Variants in TNIK observed in about 807,000 individuals in gnomAD.
TNIK encodes TRAF2 and NCK-interacting protein kinase.
In TNIK, 49 loss-of-function variants were observed where a neutral mutation model predicts 191.3. The ratio of observed to expected loss-of-function variants is 0.26; its 90% CI spans 0.20 to 0.32. The LOEUF (loss-of-function observed/expected upper bound fraction) is 0.32. Ranked by LOEUF, TNIK falls within the 10% of genes least tolerant of loss-of-function variation. The pLI is 1.00. For synonymous variants in TNIK, 594 were observed against 600.9 expected (o/e 0.99, Z 0.17); for missense variants, 1,155 against 1,702.3 (o/e 0.68, Z 5.66).
intron 2 of TNIK, among the ~76,000 whole-genome samples, chr3:171,352,743 G>A (rs1713409169): frequency 6.6e-6 from 1 of 152,196 alleles, no homozygotes. Flanking sequence ...CTTAAGGACA[G>A]AAGCTTTCAA....
At position 171,316,888 on chromosome 3, in the gene TNIK, A is replaced by C. The variant is rs1754656917; in HGVS notation, c.123+52732T>G. Among the ~76,000 whole-genome samples the C allele has an allele frequency of 2.0e-5, 3 of 149,116 alleles. No homozygotes were observed. The South Asian group carries it at 6.3e-4, about 31-fold the overall frequency. Reference sequence around the variant, plus strand: ...CTAAGAACTATATACAAGCGATTACATTTTATAATTACACAATTATATGAT... The same window carrying C: ...CTAAGAACTATATACAAGCGATTACCTTTTATAATTACACAATTATATGAT... On this transcript the variant is annotated intron_variant, in intron 2 of 32. Coordinates refer to ENST00000436636, the MANE Select transcript of TNIK (RefSeq NM_015028.4).
Position 171,350,976 on chromosome 3 carries a change from C to T in TNIK, c.123+18644G>A, listed in dbSNP as rs140913591. 3.4e-3 allele frequency among the ~76,000 whole-genome samples: 521 copies of T among 152,170 alleles called. 4 individuals are homozygous for T. Among genetic ancestry groups the T allele is most frequent in the African/African-American group, 0.011 (474 of 41,534 alleles). On this transcript the variant is annotated intron_variant, in intron 2 of 32. Transcript: ENST00000436636. The stretch of plus-strand genomic sequence containing the variant: ...TCATATATTCTTTTTTCTTAACCTC[C>T]ACTTCCTGGGTTCAAGCTATTCGCG...
intron 2 of TNIK, among the ~76,000 whole-genome samples, chr3:171,261,067 T>C (rs1394950590): frequency 6.6e-6 from 1 of 152,172 alleles, no homozygotes; most frequent in Non-Finnish European, 1.5e-5. Context: ...TTGTCGGCTC[T>C]CCTTTCTTCC....
chr3:171,243,540 G>A (rs1039058764), intron 2 of TNIK, among the ~76,000 whole-genome samples: 8 of 152,006 alleles, frequency 5.3e-5, no homozygotes, highest in African/African-American at 1.9e-4. Context: ...GGTTGAACCT[G>A]TTGGTAGCCC....
chr3:171,139,197 A>G (rs1730432989), intron 14 of TNIK, among the ~76,000 whole-genome samples: 1 of 152,228 alleles, frequency 6.6e-6, no homozygotes. Context: ...GGCTGGATTT[A>G]TATTCAAGTT....
chr3:171,119,070 A>T (rs1727231397), intron 18 of TNIK, among the ~76,000 whole-genome samples: 1 of 152,232 alleles, frequency 6.6e-6, no homozygotes, highest in Non-Finnish European at 1.5e-5. Flanking sequence ...AATATCCAGA[A>T]TCTACAAAGA....
Position 171,453,655 on chromosome 3 carries a change from A to C in TNIK, c.57+6352T>G, listed in dbSNP as rs146042323. ...GGCTACAGTGTACGAGAAACCAGTCAGAAGAAGGCTGGTGGTAGAGACACA... is the reference window on the plus strand; with the variant it reads ...GGCTACAGTGTACGAGAAACCAGTCCGAAGAAGGCTGGTGGTAGAGACACA... On this transcript the variant is annotated intron_variant, in intron 1 of 32. Coordinates refer to ENST00000436636, the MANE Select transcript of TNIK (RefSeq NM_015028.4). Among the ~76,000 whole-genome samples, 312 of 152,298 alleles carry C rather than the reference A, an allele frequency of 2.0e-3. 4 individuals carry two copies. Among genetic ancestry groups the C allele is most frequent in the African/African-American group, 7.3e-3 (304 of 41,566 alleles).
In TNIK at chr3:171,361,431, C is replaced by G. The variant is rs1018035317; in HGVS notation, c.123+8189G>C. 4.6e-5 allele frequency among the ~76,000 whole-genome samples: 7 copies of G among 152,158 alleles called. No homozygotes were observed. In the South Asian group the frequency reaches 1.0e-3, roughly 23 times the overall value. ...GCACACAGGCACCCACGAAGGTCTTCCCTCCATGTTCACATGACAACCATC... is the reference window on the plus strand; with the variant it reads ...GCACACAGGCACCCACGAAGGTCTTGCCTCCATGTTCACATGACAACCATC... On this transcript the variant is annotated intron_variant, in intron 2 of 32. Coordinates refer to ENST00000436636, the MANE Select transcript of TNIK (RefSeq NM_015028.4).
At chr3:171,404,336 T>C (rs1160415579) in intron 1 of TNIK, among the ~76,000 whole-genome samples, 2 of 151,138 alleles carry the variant, frequency 1.3e-5, no homozygotes, top group African/African-American at 4.9e-5. Flanking sequence ...TACTCCCAAC[T>C]GAGAACCACT....
intron 19 of TNIK, among the ~76,000 whole-genome samples, chr3:171,109,728 A>G (rs1725550361): frequency 6.6e-6 from 1 of 152,238 alleles, no homozygotes; most frequent in Admixed American, 6.5e-5. Context: ...GAAGAAGTTG[A>G]TTCAGAAGGA....
In TNIK at chr3:171,244,223, C is replaced by T. The variant is rs190861575; in HGVS notation, c.124-16002G>A. On this transcript the variant is annotated intron_variant, in intron 2 of 32. Coordinates refer to ENST00000436636, the MANE Select transcript of TNIK (RefSeq NM_015028.4). ...GGGACTACAGGCGCCCGCCACCACG[C>T]CCGGCTAATTTTTTGTATTTTTTAG... is the stretch of plus-strand genomic sequence containing the variant. 4.7e-3 allele frequency among the ~76,000 whole-genome samples: 713 copies of T among 152,074 alleles called. 21 individuals carry two copies. Among genetic ancestry groups the T allele is most frequent in the Admixed American group, 0.041 (632 of 15,278 alleles).
At chr3:171,094,270 G>A (rs1722442905) in intron 22 of TNIK, among the ~76,000 whole-genome samples, 1 of 151,844 alleles carries the variant, frequency 6.6e-6, no homozygotes, top group Admixed American at 6.6e-5. Flanking sequence ...GAGTAGCTGG[G>A]ACTACAGGCG....
chr3:171,339,972 T>G (rs894264655), intron 2 of TNIK, among the ~76,000 whole-genome samples: 1 of 152,172 alleles, frequency 6.6e-6, no homozygotes, highest in Non-Finnish European at 1.5e-5. Flanking sequence ...TATACACAAA[T>G]TATGAAAAAT....
intron 2 of TNIK, among the ~76,000 whole-genome samples, chr3:171,243,178 G>A (rs998102791): frequency 6.6e-6 from 1 of 152,030 alleles, no homozygotes; most frequent in Non-Finnish European, 1.5e-5. Context: ...GAGTTCTTTC[G>A]AACTCCACTT....
chr3:171,125,827 C>T (rs1728389408), intron 17 of TNIK, 85 bp downstream of exon 17: 1 of 1,547,044 alleles, frequency 6.5e-7, no homozygotes, highest in Admixed American at 1.9e-5. Context: ...ATCACATTCT[C>T]CACTACTACG....
rs567532097 is a variant in TNIK, at chr3:171,119,785, C to T, written c.2120+3811G>A. Among the ~76,000 whole-genome samples, 16 of 133,328 alleles carry T rather than the reference C, an allele frequency of 1.2e-4. No individual in the cohort carries two copies. In the East Asian group the frequency reaches 2.9e-3, roughly 24 times the overall value. The allele number at this position is 133,328 out of a possible 152,430, so 87.5% of individuals were successfully genotyped here. A position where few individuals can be genotyped will look rare whatever the true frequency, so the allele number is the denominator to read the frequency against. On this transcript the variant is annotated intron_variant, in intron 18 of 32. Transcript: ENST00000436636. ...ACACAGTAAGGGGAACATCACATAC[C>T]GGGGCCTGTTGTGGGGTTGGGGGGA...
At chr3:171,288,201 G>A (rs1560377568) in intron 2 of TNIK, among the ~76,000 whole-genome samples, 2 of 147,560 alleles carry the variant, frequency 1.4e-5, no homozygotes, top group Non-Finnish European at 3.0e-5. Flanking sequence ...ATAGCATTGG[G>A]AGATATACCT....
At chr3:171,261,275 T>C (rs1244243529) in intron 2 of TNIK, among the ~76,000 whole-genome samples, 1 of 152,228 alleles carries the variant, frequency 6.6e-6, no homozygotes, top group Non-Finnish European at 1.5e-5. Context: ...CTTCCCTTTT[T>C]TTGCTTAGTA....
intron 2 of TNIK, among the ~76,000 whole-genome samples, chr3:171,269,907 A>T (rs920326160): frequency 2.0e-5 from 3 of 152,156 alleles, no homozygotes; most frequent in African/African-American, 7.2e-5. Context: ...TCCTTCATTA[A>T]CCTAAAATAA....
Sources: allele counts gnomAD v4.1 joint callset (sites outside exome capture counted in the v4.1 genomes callset), GRCh38; gene constraint gnomAD v4.1.1; transcripts MANE v1.5; gene names NCBI Gene and HGNC (gene_info 2026-07-23, HGNC 2026-07-21).